PTPRT: variants seen among roughly 807,000 people sequenced by gnomAD.
The protein encoded by PTPRT is protein tyrosine phosphatase receptor type T, also known as receptor-type tyrosine-protein phosphatase T.
Under a neutral mutation model 176.8 loss-of-function variants are expected in PTPRT, and 56 were observed. That is an observed-to-expected ratio of 0.32 (90% CI 0.26 to 0.40). The LOEUF (loss-of-function observed/expected upper bound fraction) is 0.40, where lower values mean the gene tolerates loss of function less well. PTPRT is among the 10% of genes least tolerant of loss of function. PTPRT has a pLI of 1.00. For synonymous variants in PTPRT, 783 were observed against 739.0 expected, an observed-to-expected ratio of 1.06 and a Z score of -0.96; for missense variants, 1,540 against 1,908.2, an observed-to-expected ratio of 0.81 and a Z score of 3.60.
intron 1 of PTPRT, among the ~76,000 whole-genome samples, chr20:43,113,977 A>G (rs1600722623): frequency 6.6e-6 from 1 of 152,210 alleles, no homozygotes; most frequent in East Asian, 1.9e-4. Flanking sequence ...GACATTAGAA[A>G]TTTCTATGTA....
intron 6 of PTPRT, among the ~76,000 whole-genome samples, chr20:42,731,359 C>T (rs1310583284): frequency 1.3e-5 from 2 of 152,220 alleles, no homozygotes; most frequent in Admixed American, 6.5e-5. Context: ...GTGCTAAATG[C>T]TTCCAGAATC....
At chr20:42,687,037 A>G (rs1476180709) in intron 6 of PTPRT, among the ~76,000 whole-genome samples, 3 of 152,198 alleles carry the variant, frequency 2.0e-5, no homozygotes, top group Non-Finnish European at 4.4e-5. Flanking sequence ...CATAAAGATT[A>G]TATAAATTAT....
intron 1 of PTPRT, among the ~76,000 whole-genome samples, chr20:43,135,158 A>C (rs2013785689): frequency 6.6e-6 from 1 of 152,232 alleles, no homozygotes; most frequent in Non-Finnish European, 1.5e-5. Context: ...ACTCCAGAGA[A>C]AAGCAATGGG....
intron 2 of PTPRT, among the ~76,000 whole-genome samples, chr20:42,827,145 T>C (rs182686824): frequency 3.3e-5 from 5 of 152,120 alleles, no homozygotes; most frequent in East Asian, 1.9e-4. Flanking sequence ...AGACAGATCA[T>C]TGAGGTAGAA....
At chr20:42,250,421 C>T (rs10485689) in intron 13 of PTPRT, among the ~76,000 whole-genome samples, 23,777 of 152,190 alleles carry the variant, frequency 0.16, 2,193 homozygotes, top group Non-Finnish European at 0.2. Context: ...TGAAGGAATG[C>T]TACTACCCAA....
chr20:42,805,196 CCT>C (rs1190956409), intron 2 of PTPRT, among the ~76,000 whole-genome samples: 1 of 152,124 alleles, frequency 6.6e-6, no homozygotes, highest in African/African-American at 2.4e-5. Context: ...AGTGACAAGT[CCT>C]CACGGAAAGA....
At chr20:42,523,543 G>C (rs1025230884) in intron 7 of PTPRT, among the ~76,000 whole-genome samples, 3 of 152,070 alleles carry the variant, frequency 2.0e-5, no homozygotes, top group African/African-American at 7.2e-5. Context: ...GTTTGTGTGA[G>C]GGAATTTGGA....
intron 7 of PTPRT, among the ~76,000 whole-genome samples, chr20:42,636,532 T>A (rs2074604408): frequency 6.6e-6 from 1 of 151,988 alleles, no homozygotes; most frequent in African/African-American, 2.4e-5. Context: ...ACACCTGTAA[T>A]CCCAACACTT....
intron 27 of PTPRT, among the ~76,000 whole-genome samples, chr20:42,097,548 C>A (rs1156693443): frequency 6.6e-6 from 1 of 152,160 alleles, no homozygotes; most frequent in Non-Finnish European, 1.5e-5. Flanking sequence ...CACTGCTGAC[C>A]TCTATTATAA....
At chr20:42,298,599 G>C (rs1255441804) in intron 12 of PTPRT, among the ~76,000 whole-genome samples, 1 of 152,190 alleles carries the variant, frequency 6.6e-6, no homozygotes, top group African/African-American at 2.4e-5. Flanking sequence ...CCACACATGA[G>C]AGTGGCCAAA....
chr20:42,503,630 T>C (rs765984436), intron 7 of PTPRT, among the ~76,000 whole-genome samples: 1 of 152,142 alleles, frequency 6.6e-6, no homozygotes, highest in Non-Finnish European at 1.5e-5. Context: ...CTAAGCTAAA[T>C]GTATATTCTC....
chr20:42,354,628 G>A (rs904960562), intron 9 of PTPRT, among the ~76,000 whole-genome samples: 4 of 152,146 alleles, frequency 2.6e-5, no homozygotes, highest in African/African-American at 9.7e-5. Context: ...TTCAAGTCAG[G>A]CCTCATCCTC....
intron 6 of PTPRT, among the ~76,000 whole-genome samples, chr20:42,692,419 A>G (rs776942968): frequency 6.6e-6 from 1 of 152,244 alleles, no homozygotes; most frequent in Non-Finnish European, 1.5e-5. Flanking sequence ...ATAACTCATC[A>G]TATTAACAAA....
chr20:42,518,205 G>A (rs1415087533), intron 7 of PTPRT, among the ~76,000 whole-genome samples: 1 of 151,892 alleles, frequency 6.6e-6, no homozygotes, highest in Non-Finnish European at 1.5e-5. Flanking sequence ...AATGCAAACT[G>A]TCATTTTAAT....
chr20:42,923,064 G>C (rs79990564), intron 1 of PTPRT, among the ~76,000 whole-genome samples: 149 of 152,238 alleles, frequency 9.8e-4, no homozygotes, highest in Non-Finnish European at 1.8e-3. Flanking sequence ...AATTTAGGGA[G>C]GCCCTTCAGC....
chr20:42,211,367 A>G (rs74167764), intron 15 of PTPRT, among the ~76,000 whole-genome samples: 44,987 of 147,868 alleles, frequency 0.3, 7,581 homozygotes, highest in East Asian at 0.37. Flanking sequence ...GCAACCTACA[A>G]AATGGGAGAA....
intron 7 of PTPRT, among the ~76,000 whole-genome samples, chr20:42,572,707 C>T (rs956050289): frequency 3.9e-5 from 6 of 152,184 alleles, no homozygotes; most frequent in African/African-American, 1.4e-4. Context: ...AGTTGTTTAG[C>T]TTTTAATCAA....
the PTPRT span, among the ~76,000 whole-genome samples, chr20:42,045,451 C>T: frequency 6.7e-4 from 101 of 150,840 alleles, 1 homozygote; most frequent in East Asian, 0.019. Context: ...TCGAAGTTTG[C>T]ATCCTAGATT....
At chr20:42,786,934 T>C (rs1034353687) in intron 3 of PTPRT, among the ~76,000 whole-genome samples, 3 of 152,226 alleles carry the variant, frequency 2.0e-5, no homozygotes, top group African/African-American at 7.2e-5. Context: ...AGCTTTATCA[T>C]GTACATCAGG....
Sources: allele counts gnomAD v4.1 joint callset (sites outside exome capture counted in the v4.1 genomes callset), GRCh38; gene constraint gnomAD v4.1.1; transcripts MANE v1.5; gene names NCBI Gene and HGNC (gene_info 2026-07-23, HGNC 2026-07-21).